CENPU: variants seen among roughly 807,000 people sequenced by gnomAD.
CENPU encodes the protein KSHV latent nuclear antigen interacting protein 1.
In CENPU, 46 loss-of-function variants were observed where a neutral mutation model predicts 56.7. The ratio of observed to expected loss-of-function variants is 0.81; its 90% CI spans 0.64 to 1.04. The LOEUF (loss-of-function observed/expected upper bound fraction) is 1.04. Ranked by LOEUF, CENPU falls within the 50% of genes least tolerant of loss-of-function variation. CENPU has a pLI of 0.00. For synonymous variants in CENPU, 166 were observed against 163.0 expected (o/e 1.02, Z -0.14); for missense variants, 510 against 490.1 (o/e 1.04, Z -0.38).
intron 6 of CENPU, among the ~76,000 whole-genome samples, chr4:184,715,323 ATTCT>A (rs1478060723): frequency 8.5e-5 from 13 of 152,158 alleles, no homozygotes; most frequent in Non-Finnish European, 1.5e-4. Flanking sequence ...AAGACCCAGA[ATTCT>A]TTGTTTTTTG....
At chr4:184,700,737 C>T in intron 11 of CENPU, 83 bp downstream of exon 11, 1 of 1,188,356 alleles carries the variant, frequency 8.4e-7, no homozygotes, top group Non-Finnish European at 1.3e-6. Flanking sequence ...TACATCACAG[C>T]AGCAAGTGTC....
intron 1 of CENPU, chr4:184,733,356 T>C (rs1761723029): frequency 2.0e-6 from 2 of 987,508 alleles, no homozygotes; most frequent in Admixed American, 1.2e-4. Flanking sequence ...TCAGATCGTC[T>C]TGGCGTATGG....
At chr4:184,709,493 A>C (rs1760848869) in intron 8 of CENPU, among the ~76,000 whole-genome samples, 1 of 152,108 alleles carries the variant, frequency 6.6e-6, no homozygotes, top group African/African-American at 2.4e-5. Flanking sequence ...CTCAAAAAAA[A>C]AAAAAATCTG....
chr4:184,697,520 T>A, intron 12 of CENPU, 127 bp downstream of exon 12: 3 of 858,070 alleles, frequency 3.5e-6, no homozygotes, highest in Non-Finnish European at 5.5e-6. Context: ...ATAGTGATAC[T>A]ATTTTAGGTG....
At chr4:184,720,791 C>T (rs915263570) in intron 4 of CENPU, among the ~76,000 whole-genome samples, 2 of 151,976 alleles carry the variant, frequency 1.3e-5, no homozygotes, top group Non-Finnish European at 1.5e-5. Flanking sequence ...GGTGAAAATA[C>T]CCTTCAAACA....
intron 1 of CENPU, among the ~76,000 whole-genome samples, chr4:184,731,883 C>CTGTGTGTGTGTGTG (rs59083873): frequency 0.15 from 22,022 of 146,490 alleles, 1,954 homozygotes; most frequent in Admixed American, 0.29. Flanking sequence ...CTCATGTGCT[C>CTGTGTGTGTGTGTG]TGTGTGTGTG....
chr4:184,704,133 T>G (rs940800848), intron 8 of CENPU, among the ~76,000 whole-genome samples: 1 of 152,022 alleles, frequency 6.6e-6, no homozygotes, highest in African/African-American at 2.4e-5. Flanking sequence ...CCCGCTGGAC[T>G]GAGTAGTGTG....
chr4:184,718,809 C>T (rs1231961305), intron 4 of CENPU, among the ~76,000 whole-genome samples: 1 of 152,050 alleles, frequency 6.6e-6, no homozygotes, highest in Non-Finnish European at 1.5e-5. Flanking sequence ...CTAGAGAACA[C>T]CAAAGAAGTT....
intron 8 of CENPU, among the ~76,000 whole-genome samples, chr4:184,706,437 G>T (rs1760731454): frequency 6.6e-6 from 1 of 152,224 alleles, no homozygotes; most frequent in South Asian, 2.1e-4. Flanking sequence ...CAATCACAAA[G>T]GTGATGGTCT....
chr4:184,699,615 A>G, intron 11 of CENPU: 1 of 1,288,434 alleles, frequency 7.8e-7, no homozygotes, highest in South Asian at 1.2e-5. Flanking sequence ...CAATTTAGAA[A>G]CCAACAGATT....
chr4:184,701,971 G>C, intron 10 of CENPU, 118 bp downstream of exon 10: 1 of 693,698 alleles, frequency 1.4e-6, no homozygotes, highest in Non-Finnish European at 2.5e-6. Flanking sequence ...ATAAAAGCCT[G>C]ACAAGATTAT....
chr4:184,721,829 G>T (rs1761288358), intron 4 of CENPU, among the ~76,000 whole-genome samples: 1 of 152,154 alleles, frequency 6.6e-6, no homozygotes, highest in Non-Finnish European at 1.5e-5. Flanking sequence ...TTTCAGCACT[G>T]GAGAGATCTT....
intron 11 of CENPU, 128 bp from the exon 12 acceptor site, chr4:184,697,931 A>C: frequency 1.6e-6 from 1 of 620,224 alleles, no homozygotes; most frequent in East Asian, 2.8e-5. Flanking sequence ...TTGGCTCTGA[A>C]ACTACGAATG....
chr4:184,712,031 G>A (rs553115265), intron 7 of CENPU, among the ~76,000 whole-genome samples: 2 of 147,926 alleles, frequency 1.4e-5, no homozygotes, highest in East Asian at 2.0e-4. Flanking sequence ...TGAGGCAGGC[G>A]ATTCGCTTGA....
At chr4:184,700,663 G>A (rs981745150) in intron 11 of CENPU, among the ~76,000 whole-genome samples, 157 bp downstream of exon 11, 2 of 152,188 alleles carry the variant, frequency 1.3e-5, no homozygotes. Flanking sequence ...AAAAGGTGGG[G>A]CAACTAAGCA....
At chr4:184,700,041 T>A (rs888596623) in intron 11 of CENPU, among the ~76,000 whole-genome samples, 31 of 152,200 alleles carry the variant, frequency 2.0e-4, no homozygotes, top group Admixed American at 6.5e-4. Flanking sequence ...TCTGATAATA[T>A]CACTGTCTTT....
rs35343168 is a variant in CENPU, at chr4:184,694,413, G to GTATC, written c.*871_*874dup. 256,883 of 1,448,930 alleles carry GTATC rather than the reference G, an allele frequency of 0.18. 28,994 individuals carry two copies. The highest frequency in any genetic ancestry group is 0.63 in the East Asian group (25,128 of 40,202). The allele number at this position is 1,448,930 out of a possible 1,614,324, so 89.8% of individuals were successfully genotyped here. ...GCATTCCTCCTGCATATTCACTTTA[G>GTATC]TATCTGTCACTTAATACCTTACTTC... is the stretch of plus-strand genomic sequence containing the variant. On this transcript the variant is annotated 3_prime_UTR_variant, in exon 13 of 13. Transcript: ENST00000281453.
At chr4:184,707,768 T>C (rs909922802) in intron 8 of CENPU, among the ~76,000 whole-genome samples, 1 of 152,216 alleles carries the variant, frequency 6.6e-6, no homozygotes, top group African/African-American at 2.4e-5. Flanking sequence ...AACAGGATGC[T>C]GGAGGAACCC....
chr4:184,699,356 A>AAATAAAAT (rs60530775), intron 11 of CENPU, among the ~76,000 whole-genome samples: 16,149 of 151,410 alleles, frequency 0.11, 983 homozygotes, highest in Middle Eastern at 0.14. Flanking sequence ...ATAAATAAAT[A>AAATAAAAT]AAATAAACTT....
Sources: gnomAD v4.1 joint callset for allele counts (sites outside exome capture counted in the v4.1 genomes callset) on GRCh38, gnomAD v4.1.1 for gene constraint, MANE v1.5 for transcripts, NCBI Gene and HGNC (gene_info 2026-07-23, HGNC 2026-07-21) for gene names.